The following CNTN5 variants were observed in gnomAD, a reference collection of about 807,000 sequenced individuals.
The protein encoded by CNTN5 is contactin 5, also known as contactin-5.
In CNTN5, 77 loss-of-function variants were observed where a neutral mutation model predicts 129.1. The observed-to-expected ratio is 0.60, with a 90% CI of 0.50 to 0.72. The LOEUF (loss-of-function observed/expected upper bound fraction) is 0.72, where lower values mean the gene tolerates loss of function less well. Ranked by LOEUF, CNTN5 falls within the 30% of genes least tolerant of loss-of-function variation. CNTN5 has a pLI of 0.00. For missense variants in CNTN5, 1,478 were observed against 1,328.8 expected (o/e 1.11, Z -1.75); for synonymous variants, 509 against 465.6 (o/e 1.09, Z -1.20).
chr11:99,026,178 T>A (rs116140198), intron 1 of CNTN5, among the ~76,000 whole-genome samples: 1 of 151,738 alleles, frequency 6.6e-6, no homozygotes, highest in Non-Finnish European at 1.5e-5. Flanking sequence ...ATGATAGGAA[T>A]TCCTGGGCAC....
At chr11:100,330,184 C>T (rs1443373307) in intron 21 of CNTN5, among the ~76,000 whole-genome samples, 1 of 152,080 alleles carries the variant, frequency 6.6e-6, no homozygotes, top group Non-Finnish European at 1.5e-5. Flanking sequence ...ATGCAAAATG[C>T]ACTGGAAAAT....
chr11:99,449,449 A>G (rs1944209234), intron 2 of CNTN5, among the ~76,000 whole-genome samples: 1 of 152,254 alleles, frequency 6.6e-6, no homozygotes, highest in African/African-American at 2.4e-5. Context: ...TACTCACAAT[A>G]TTTAAAATGT....
At chr11:100,282,496 G>C (rs1263150073) in intron 18 of CNTN5, among the ~76,000 whole-genome samples, 3 of 152,186 alleles carry the variant, frequency 2.0e-5, no homozygotes, top group Non-Finnish European at 4.4e-5. Flanking sequence ...TAAGTACCCT[G>C]GTGGCCACCA....
intron 1 of CNTN5, among the ~76,000 whole-genome samples, chr11:99,028,079 A>T (rs761439537): frequency 2.6e-5 from 4 of 151,834 alleles, no homozygotes; most frequent in Non-Finnish European, 5.9e-5. Context: ...TAAAACTTAC[A>T]TTCAATTCTT....
intron 2 of CNTN5, among the ~76,000 whole-genome samples, chr11:99,470,568 A>G (rs1945132047): frequency 6.6e-6 from 1 of 152,144 alleles, no homozygotes; most frequent in East Asian, 1.9e-4. Context: ...AGAAAATCTG[A>G]AAATAATTTT....
chr11:99,800,243 T>C (rs1946072078), intron 3 of CNTN5, among the ~76,000 whole-genome samples: 1 of 152,094 alleles, frequency 6.6e-6, no homozygotes, highest in Admixed American at 6.6e-5. Flanking sequence ...CAGGAGAAAA[T>C]TGTCTAATAC....
intron 3 of CNTN5, among the ~76,000 whole-genome samples, chr11:99,784,315 A>G (rs945141582): frequency 6.6e-6 from 1 of 151,702 alleles, no homozygotes; most frequent in African/African-American, 2.4e-5. Flanking sequence ...CCACCCCCAC[A>G]TAGGCCCAGG....
At chr11:99,656,023 CAGGTATGT>C (rs1396601819) in intron 3 of CNTN5, among the ~76,000 whole-genome samples, 2 of 151,712 alleles carry the variant, frequency 1.3e-5, no homozygotes, top group East Asian at 3.9e-4. Context: ...CCTCTGAATA[CAGGTATGT>C]GTGTATGTGT....
intron 6 of CNTN5, among the ~76,000 whole-genome samples, chr11:99,911,763 T>G (rs1804512204): frequency 6.6e-6 from 1 of 151,900 alleles, no homozygotes; most frequent in Admixed American, 6.6e-5. Flanking sequence ...GAAAAATAAC[T>G]TTCTGAGTAG....
intron 1 of CNTN5, among the ~76,000 whole-genome samples, chr11:99,047,237 C>T (rs7106578): frequency 0.33 from 50,088 of 151,516 alleles, 9,606 homozygotes; most frequent in East Asian, 0.56. Context: ...CCAATATTTA[C>T]ATATTAAGAA....
intron 16 of CNTN5, among the ~76,000 whole-genome samples, chr11:100,237,504 T>G (rs1949646456): frequency 1.3e-5 from 2 of 152,172 alleles, no homozygotes; most frequent in African/African-American, 4.8e-5. Context: ...AAGAAACTTT[T>G]GCTGACTTTT....
chr11:99,072,850 C>T (rs1330239632), intron 1 of CNTN5, among the ~76,000 whole-genome samples: 2 of 152,128 alleles, frequency 1.3e-5, no homozygotes, highest in Admixed American at 6.6e-5. Context: ...TTCTGTATCT[C>T]AAATGATTCC....
intron 1 of CNTN5, among the ~76,000 whole-genome samples, chr11:99,041,501 T>G (rs1411660774): frequency 6.6e-6 from 1 of 152,216 alleles, no homozygotes; most frequent in Non-Finnish European, 1.5e-5. Flanking sequence ...ACTCATCTTT[T>G]TATCCTCATC....
chr11:100,339,497 T>C (rs1952113544), intron 21 of CNTN5, among the ~76,000 whole-genome samples: 1 of 151,970 alleles, frequency 6.6e-6, no homozygotes, highest in Non-Finnish European at 1.5e-5. Flanking sequence ...GGGTGGGCCA[T>C]AGGTAGTTTT....
chr11:99,925,765 T>C (rs1950046910), intron 7 of CNTN5, among the ~76,000 whole-genome samples: 1 of 152,118 alleles, frequency 6.6e-6, no homozygotes, highest in South Asian at 2.1e-4. Context: ...CAACCTAGTT[T>C]AAGACAGGCA....
intron 2 of CNTN5, among the ~76,000 whole-genome samples, chr11:99,530,071 C>T (rs1198586013): frequency 1.3e-5 from 2 of 152,052 alleles, no homozygotes; most frequent in African/African-American, 2.4e-5. Flanking sequence ...GTCTTTACAA[C>T]TTTGCAATGT....
intron 3 of CNTN5, among the ~76,000 whole-genome samples, chr11:99,648,485 C>T (rs1565387128): frequency 1.3e-5 from 2 of 151,814 alleles, no homozygotes; most frequent in South Asian, 2.1e-4. Context: ...TAAACCAGTG[C>T]AGTCACTATG....
At chr11:99,829,435 A>C (rs759360083) in intron 4 of CNTN5, among the ~76,000 whole-genome samples, 1 of 152,222 alleles carries the variant, frequency 6.6e-6, no homozygotes, top group Non-Finnish European at 1.5e-5. Context: ...CACAGTAGTC[A>C]GTCACTGATA....
intron 1 of CNTN5, among the ~76,000 whole-genome samples, chr11:99,116,600 G>T (rs1243782758): frequency 6.6e-6 from 1 of 152,014 alleles, no homozygotes; most frequent in Non-Finnish European, 1.5e-5. Flanking sequence ...TGGGAGAGAT[G>T]GATGTTTTGA....
Sources: gnomAD v4.1 joint callset for allele counts (sites outside exome capture counted in the v4.1 genomes callset) on GRCh38, gnomAD v4.1.1 for gene constraint, MANE v1.5 for transcripts, NCBI Gene and HGNC (gene_info 2026-07-23, HGNC 2026-07-21) for gene names.